The following PIK3CB variants were observed in gnomAD, a reference collection of about 807,000 sequenced individuals.
PIK3CB encodes phosphatidylinositol 4,5-bisphosphate 3-kinase catalytic subunit beta isoform.
A neutral mutation model predicts 136.8 loss-of-function variants in PIK3CB; 39 were observed. The ratio of observed to expected loss-of-function variants is 0.29; its 90% confidence interval spans 0.22 to 0.37. PIK3CB has a LOEUF of 0.37. PIK3CB is among the 10% of genes least tolerant of loss of function. The pLI is 1.00. For missense variants in PIK3CB, 868 were observed against 1,275.4 expected (o/e 0.68, Z 4.87); for synonymous variants, 428 against 436.6 (o/e 0.98, Z 0.25).
intron 19 of PIK3CB, among the ~76,000 whole-genome samples, chr3:138,669,536 G>C (rs1326922337): frequency 6.6e-6 from 1 of 151,952 alleles, no homozygotes; most frequent in Admixed American, 6.6e-5. Flanking sequence ...GGGTAGAGTG[G>C]GGGTGTGCAG....
At chr3:138,825,749 C>T (rs1258609397) in intron 1 of PIK3CB, 8 of 709,496 alleles carry the variant, frequency 1.1e-5, no homozygotes, top group Non-Finnish European at 2.0e-5. Context: ...CAAGTGGAGA[C>T]TGGTGTTCTC....
chr3:138,675,657 T>C (rs1021125408), intron 19 of PIK3CB, among the ~76,000 whole-genome samples: 10 of 152,254 alleles, frequency 6.6e-5, no homozygotes, highest in African/African-American at 2.2e-4. Flanking sequence ...GGATGACATA[T>C]TAGACATGCT....
intron 5 of PIK3CB, among the ~76,000 whole-genome samples, chr3:138,740,916 C>T (rs537671144): frequency 2.4e-4 from 36 of 152,244 alleles, no homozygotes; most frequent in South Asian, 1.0e-3. Context: ...AGTGGCTGTG[C>T]GCCACCTCAC....
chr3:138,805,546 C>A (rs2046224576), intron 1 of PIK3CB, among the ~76,000 whole-genome samples: 1 of 150,476 alleles, frequency 6.6e-6, no homozygotes. Flanking sequence ...GTGGCACGCG[C>A]CTGTAGTCCC....
At chr3:138,657,860 T>C (rs1052545717) in intron 21 of PIK3CB, 25 bp from the exon 22 acceptor site, 1 of 1,599,814 alleles carries the variant, frequency 6.3e-7, no homozygotes, top group African/African-American at 1.4e-5. Flanking sequence ...GGATTTAATT[T>C]CCTTCATTTT....
intron 21 of PIK3CB, among the ~76,000 whole-genome samples, chr3:138,663,360 C>T (rs1002799928): frequency 6.6e-6 from 1 of 152,076 alleles, no homozygotes; most frequent in Non-Finnish European, 1.5e-5. Context: ...GAAGAACAGG[C>T]CACTTTAACT....
intron 8 of PIK3CB, among the ~76,000 whole-genome samples, chr3:138,715,809 CTG>C (rs2044595169): frequency 6.6e-6 from 1 of 151,448 alleles, no homozygotes; most frequent in Admixed American, 6.6e-5. Flanking sequence ...ATAAATAAAA[CTG>C]TAGGTTAGTA....
In PIK3CB at chr3:138,717,532, G is replaced by T. The variant is rs907619991; in HGVS notation, c.1051-2813C>A. 4.6e-5 allele frequency among the ~76,000 whole-genome samples: 7 copies of T among 151,046 alleles called. No individual in the cohort carries two copies. In the East Asian group the frequency reaches 5.9e-4, roughly 13 times the overall value. On this transcript the variant is annotated intron_variant, in intron 8 of 23. Coordinates refer to ENST00000674063, the MANE Select transcript of PIK3CB (RefSeq NM_006219.3). ...TGAATGAAAATAGAAATTTTTTGTG[G>T]TTTTTTTTTAAACTTTCATTTTAGG...
chr3:138,655,359 AACAAAT>A lies in PIK3CB; in HGVS notation c.*24_*29del. On this transcript the variant is annotated 3_prime_UTR_variant, in exon 24 of 24. Coordinates refer to ENST00000674063, the MANE Select transcript of PIK3CB (RefSeq NM_006219.3). ...TGCAAAATGAAAATGAAATGAAACC[AACAAAT>A]ACATTAGGAGCGAAGGCTGATCGTT... 1 of 1,609,460 alleles carries A rather than the reference AACAAAT, an allele frequency of 6.2e-7. No individual in the cohort carries two copies. The highest frequency in any genetic ancestry group is 8.5e-7 in the Non-Finnish European group (1 of 1,177,150).
chr3:138,719,808 T>C (rs947122299), intron 8 of PIK3CB, among the ~76,000 whole-genome samples: 19 of 152,130 alleles, frequency 1.2e-4, no homozygotes, highest in Admixed American at 2.6e-4. Flanking sequence ...TTACCAAAAA[T>C]TCTGTATGAT....
rs1012343760 is a variant in PIK3CB at position 138,742,681 on chromosome 3, C to A, written c.498G>T (p.Leu166Phe). 5.0e-6 allele frequency: 8 copies of A among 1,612,520 alleles called. No homozygotes were observed. The highest frequency in any genetic ancestry group is 6.8e-6 in the Non-Finnish European group (8 of 1,178,670). Residue 166 changes from leucine (L) to phenylalanine (F), a missense_variant, in exon 5 of 24, where the codon TTG becomes TTT. Leu to Phe is a conservative substitution (Grantham distance 22). Around this residue, in one of 4 missense-constraint regions of PIK3CB, gnomAD observed 612 missense variants for 801.1 expected, o/e 0.76. Coordinates refer to ENST00000674063, the MANE Select transcript of PIK3CB (RefSeq NM_006219.3). ...TTTGTTTTAGCCAGTCCATCCAAGA[C>A]AATCCCACAAGTGACAGGATTTTTT... is the stretch of plus-strand genomic sequence containing the variant. ...SEEKILSLVGLSWMDWLKQTY... is the reference protein window; with the variant it reads ...SEEKILSLVGFSWMDWLKQTY...
intron 1 of PIK3CB, among the ~76,000 whole-genome samples, chr3:138,824,377 T>C (rs553415827): frequency 2.6e-5 from 4 of 152,132 alleles, no homozygotes; most frequent in Non-Finnish European, 4.4e-5. Context: ...TCTCTAGCAA[T>C]ACTATAATAT....
chr3:138,785,254 C>T (rs923005881), intron 2 of PIK3CB, among the ~76,000 whole-genome samples: 60 of 151,840 alleles, frequency 4.0e-4, no homozygotes, highest in African/African-American at 1.1e-3. Flanking sequence ...AGCTCCCGCC[C>T]GGCAGCCGCC....
chr3:138,791,427 A>G (rs1240853281), intron 2 of PIK3CB, among the ~76,000 whole-genome samples: 1 of 152,082 alleles, frequency 6.6e-6, no homozygotes, highest in Non-Finnish European at 1.5e-5. Flanking sequence ...GAGCCACTGC[A>G]CCTGGCGGCC....
At chr3:138,701,976 T>C (rs2044264445) in intron 12 of PIK3CB, among the ~76,000 whole-genome samples, 1 of 151,020 alleles carries the variant, frequency 6.6e-6, no homozygotes, top group South Asian at 2.1e-4. Flanking sequence ...AGATCTCATT[T>C]ATTTTAAAGG....
At position 138,751,624 on chromosome 3, in the gene PIK3CB, A is replaced by G. The variant is rs528127325; in HGVS notation, c.397+4130T>C. Among the ~76,000 whole-genome samples the G allele has an allele frequency of 1.1e-3, 171 of 152,220 alleles. 1 individual carries two copies. The highest frequency in any genetic ancestry group is 4.0e-3 in the African/African-American group (168 of 41,526). On this transcript the variant is annotated intron_variant, in intron 4 of 23. Transcript: ENST00000674063. Reference sequence around the variant, plus strand: ...ATTTATAGTCAAATATAATTTTTATATTTAAAAAGTACTGAGTGAACAATT... The same window carrying G: ...ATTTATAGTCAAATATAATTTTTATGTTTAAAAAGTACTGAGTGAACAATT...
intron 2 of PIK3CB, among the ~76,000 whole-genome samples, chr3:138,765,060 C>G (rs2045714448): frequency 2.0e-5 from 3 of 152,198 alleles, no homozygotes; most frequent in Admixed American, 6.5e-5. Flanking sequence ...GGCACAGTGG[C>G]TCCCGCCTAT....
At chr3:138,668,522 AAT>A (rs2043460991) in intron 19 of PIK3CB, among the ~76,000 whole-genome samples, 1 of 152,166 alleles carries the variant, frequency 6.6e-6, no homozygotes, top group African/African-American at 2.4e-5. Flanking sequence ...CAATTTCAGT[AAT>A]GTTTACCCTC....
chr3:138,831,850 G>A (rs1934054659), intron 1 of PIK3CB, among the ~76,000 whole-genome samples: 1 of 152,076 alleles, frequency 6.6e-6, no homozygotes, highest in African/African-American at 2.4e-5. Flanking sequence ...GCTTGAACCC[G>A]GGAGGTCACA....
Sources: gnomAD v4.1 joint callset for allele counts (sites outside exome capture counted in the v4.1 genomes callset) on GRCh38, gnomAD v4.1.1 for gene constraint, gnomAD v4.1.1 regional missense constraint, MANE v1.5 for transcripts, NCBI Gene and HGNC (gene_info 2026-07-23, HGNC 2026-07-21) for gene names.